MYH14: variants seen among roughly 807,000 people sequenced by gnomAD.
The protein encoded by MYH14 is myosin heavy chain 14.
A neutral mutation model predicts 255.5 loss-of-function variants in MYH14; 123 were observed. The observed-to-expected ratio is 0.48, with a 90% CI of 0.42 to 0.56. The LOEUF is 0.56. Among genes scored for constraint, MYH14 ranks in the 20% least tolerant of loss-of-function variants. MYH14 has a pLI of 0.00. For synonymous variants in MYH14, 1,095 were observed against 1,161.2 expected, an observed-to-expected ratio of 0.94 and a Z score of 1.16; for missense variants, 2,423 against 2,802.3, an observed-to-expected ratio of 0.86 and a Z score of 3.06.
At position 50,268,199 on chromosome 19, in the gene MYH14, A is replaced by C. The variant is rs776237502; in HGVS notation, c.2865A>C (p.Arg955=). 9 of 1,554,480 alleles carry C rather than the reference A, an allele frequency of 5.8e-6. No homozygotes were observed. The African/African-American group carries it at 1.1e-4, about 19-fold the overall frequency. The change falls in exon 24 of 43, where the codon CGA becomes CGC. Residue 955 remains arginine, a synonymous_variant. Coordinates refer to ENST00000642316, the MANE Select transcript of MYH14 (RefSeq NM_001145809.2). ...EERARLAEQL[R]AEAELCAEAE... is the part of the protein sequence containing the mutation. Reference sequence around the variant, plus strand: ...GCGCCCGCCTGGCAGAGCAATTGCGAGCAGAGGCAGAACTGTGTGCAGAGG... The same window carrying C: ...GCGCCCGCCTGGCAGAGCAATTGCGCGCAGAGGCAGAACTGTGTGCAGAGG...
intron 11 of MYH14, among the ~76,000 whole-genome samples, chr19:50,245,348 G>A (rs2034060094): frequency 6.6e-6 from 1 of 151,054 alleles, no homozygotes. Context: ...GAACCCAGGA[G>A]GCGGAGGTTG....
chr19:50,257,095 T>TTCA (rs1280345803), intron 17 of MYH14, among the ~76,000 whole-genome samples: 6 of 152,350 alleles, frequency 3.9e-5, no homozygotes, highest in Non-Finnish European at 5.9e-5. Context: ...CTAAGCTGTG[T>TTCA]GACCTTAAGC....
Position 50,276,102 on chromosome 19 carries a change from C to G in MYH14, c.3579C>G (p.Thr1193=). The stretch of plus-strand genomic sequence containing the variant: ...TGGAGTCTGAGCGTGTGGCCAGGAC[C>G]AAGGCGGAGAAGCAGCGCCGGGACC... ...EDLESERVAR[T]KAEKQRRDLG... The change falls in exon 28 of 43, where the codon ACC becomes ACG. Residue 1193 remains threonine, a synonymous_variant. Transcript: ENST00000642316. The surrounding 1 kb of genome is among the most constrained non-coding windows in gnomAD (Gnocchi z 4.3). The G allele has an allele frequency of 6.2e-7, 1 of 1,607,942 alleles. No individual in the cohort carries two copies. Among genetic ancestry groups the G allele is most frequent in the Non-Finnish European group, 8.5e-7 (1 of 1,177,858 alleles).
intron 1 of MYH14, among the ~76,000 whole-genome samples, chr19:50,204,820 A>G (rs557008576): frequency 1.3e-5 from 2 of 152,128 alleles, no homozygotes; most frequent in Admixed American, 6.5e-5. Flanking sequence ...GGTTGAGCCC[A>G]GGAGGTCAAG....
chr19:50,299,580 A>G (rs2036405658), intron 39 of MYH14, among the ~76,000 whole-genome samples: 1 of 150,952 alleles, frequency 6.6e-6, no homozygotes, highest in Non-Finnish European at 1.5e-5. Context: ...CAAAAAAAAA[A>G]AAAAAAAAAA....
At chr19:50,222,021 C>G (rs922539001) in intron 3 of MYH14, among the ~76,000 whole-genome samples, 4 of 152,090 alleles carry the variant, frequency 2.6e-5, no homozygotes, top group African/African-American at 9.7e-5. Flanking sequence ...GATTCTTTGT[C>G]GTGGGAGGCT....
intron 10 of MYH14, among the ~76,000 whole-genome samples, chr19:50,240,430 A>G (rs902506121): frequency 2.0e-5 from 3 of 152,076 alleles, no homozygotes; most frequent in Non-Finnish European, 2.9e-5. Context: ...CATTTTTTTA[A>G]ATTAGCTGGG....
intron 25 of MYH14, 37 bp downstream of exon 25, chr19:50,271,583 G>A (rs771929966): frequency 8.0e-5 from 127 of 1,588,978 alleles, no homozygotes; most frequent in Non-Finnish European, 1.0e-4. Context: ...AGTGGGGATG[G>A]GGTGCATTGG....
rs2032979453 is a variant in MYH14 at position 50,224,056 on chromosome 19, C to T, written c.694-98C>T. The T allele has an allele frequency of 4.2e-6, 4 of 961,614 alleles. No homozygotes were observed. The South Asian group carries it at 4.3e-5, about 10-fold the overall frequency. The allele number at this position is 961,614 out of a possible 1,614,324, so 59.6% of individuals were successfully genotyped here. On this transcript the variant is annotated intron_variant, in intron 5 of 42. Coordinates refer to ENST00000642316, the MANE Select transcript of MYH14 (RefSeq NM_001145809.2). Reference sequence around the variant, plus strand: ...TTCCCCAGTCCCCCTTCCCCCACCCCCCATGCCACCACCTGAGATCACTGG... The same window carrying T: ...TTCCCCAGTCCCCCTTCCCCCACCCTCCATGCCACCACCTGAGATCACTGG...
At chr19:50,297,300 G>A (rs1350206917) in intron 39 of MYH14, among the ~76,000 whole-genome samples, 3 of 151,650 alleles carry the variant, frequency 2.0e-5, no homozygotes, top group Admixed American at 6.6e-5. Flanking sequence ...GTATTCTCTC[G>A]TGGTCCTGGA....
intron 2 of MYH14, among the ~76,000 whole-genome samples, chr19:50,216,143 A>C (rs139634732): frequency 6.6e-6 from 1 of 152,324 alleles, no homozygotes; most frequent in East Asian, 1.9e-4. Flanking sequence ...TCTTGCCTAC[A>C]TGATACCCTT....
intron 2 of MYH14, among the ~76,000 whole-genome samples, chr19:50,211,023 G>C (rs909122419): frequency 2.6e-5 from 4 of 152,144 alleles, no homozygotes; most frequent in African/African-American, 9.7e-5. Context: ...AGTATAAAAC[G>C]TTCCAATTTC....
chr19:50,250,057 G>A lies in MYH14; in HGVS notation c.1656+234G>A, dbSNP rs867739685. On this transcript the variant is annotated intron_variant, in intron 14 of 42. Coordinates refer to ENST00000642316, the MANE Select transcript of MYH14 (RefSeq NM_001145809.2). This position sits in a 1 kb window ranked among gnomAD's most constrained non-coding sequence, Gnocchi z 5.4. ...CAATCGGTTAATCAGAGCTCTCACC[G>A]TAACTGTTGTTCTCACGTTTGTTTT... 5.3e-5 allele frequency among the ~76,000 whole-genome samples: 8 copies of A among 152,222 alleles called. No individual in the cohort carries two copies. Among genetic ancestry groups the A allele is most frequent in the South Asian group, 2.1e-4 (1 of 4,836 alleles).
chr19:50,218,393 G>A (rs543759000), intron 3 of MYH14, among the ~76,000 whole-genome samples: 5 of 151,912 alleles, frequency 3.3e-5, no homozygotes, highest in South Asian at 4.2e-4. Context: ...TCAGGAGATC[G>A]AGACCATTCT....
Position 50,266,736 on chromosome 19 carries a change from A to T in MYH14, c.2695-141A>T. The T allele has an allele frequency of 9.7e-7, 1 of 1,034,062 alleles. No individual in the cohort carries two copies. The highest frequency in any genetic ancestry group is 1.4e-6 in the Non-Finnish European group (1 of 697,804). 64.1% of individuals were successfully genotyped at this position (1,034,062 alleles called of 1,614,324 possible). On this transcript the variant is annotated intron_variant, in intron 22 of 42. Coordinates refer to ENST00000642316, the MANE Select transcript of MYH14 (RefSeq NM_001145809.2). The surrounding 1 kb of genome is among the most constrained non-coding windows in gnomAD (Gnocchi z 4.1). Reference sequence around the variant, plus strand: ...TACCTGTCAGTGTTCTAGGCCTGTGACCAGGGACTGTTGCCAAGGCGGGGA... The same window carrying T: ...TACCTGTCAGTGTTCTAGGCCTGTGTCCAGGGACTGTTGCCAAGGCGGGGA...
At chr19:50,308,272 A>G (rs1362894700) in intron 41 of MYH14, 1 of 152,252 alleles carries the variant, frequency 6.6e-6, no homozygotes, top group African/African-American at 2.4e-5. Context: ...TATGGTCTAG[A>G]TAAACATCTG....
At chr19:50,306,689 A>G (rs978353425) in intron 40 of MYH14, among the ~76,000 whole-genome samples, 1 of 152,262 alleles carries the variant, frequency 6.6e-6, no homozygotes, top group African/African-American at 2.4e-5. Context: ...GATGTATTCA[A>G]TTGTGAGAGA....
At chr19:50,288,521 T>C (rs993327518) in intron 34 of MYH14, among the ~76,000 whole-genome samples, 1 of 152,186 alleles carries the variant, frequency 6.6e-6, no homozygotes, top group Non-Finnish European at 1.5e-5. Flanking sequence ...GGGAGAAAGT[T>C]TGATCCCTTC....
intron 17 of MYH14, 113 bp downstream of exon 17, chr19:50,255,431 T>C (rs1306875826): frequency 3.2e-5 from 25 of 778,330 alleles, no homozygotes; most frequent in Admixed American, 2.1e-5. Context: ...TGTGGAGGTC[T>C]CTCACTCTTC....
Sources: allele counts gnomAD v4.1 joint callset (sites outside exome capture counted in the v4.1 genomes callset), GRCh38; gene constraint gnomAD v4.1.1; non-coding constraint Gnocchi (gnomAD v3.1); transcripts MANE v1.5; gene names NCBI Gene and HGNC (gene_info 2026-07-23, HGNC 2026-07-21).